Variants in PTPRD observed in about 807,000 individuals in gnomAD.
The protein encoded by PTPRD is receptor-type tyrosine-protein phosphatase delta.
A neutral mutation model predicts 214.5 loss-of-function variants in PTPRD; 34 were observed. The ratio of observed to expected loss-of-function variants is 0.16; its 90% CI spans 0.12 to 0.21. The LOEUF (loss-of-function observed/expected upper bound fraction) is 0.21, where lower values mean the gene tolerates loss of function less well. PTPRD is among the 10% of genes least tolerant of loss of function. The pLI is 1.00. For synonymous variants in PTPRD, 1,128 were observed against 845.7 expected, an observed-to-expected ratio of 1.33 and a Z score of -5.79; for missense variants, 2,545 against 2,398.7, an observed-to-expected ratio of 1.06 and a Z score of -1.27.
intron 5 of PTPRD, among the ~76,000 whole-genome samples, chr9:9,885,168 G>C (rs906219998): frequency 1.3e-5 from 2 of 151,790 alleles, no homozygotes; most frequent in South Asian, 2.1e-4. Flanking sequence ...GTTTCCTCTA[G>C]CTACTTATGA....
intron 14 of PTPRD, among the ~76,000 whole-genome samples, chr9:8,589,352 A>G (rs2093923066): frequency 6.6e-6 from 1 of 152,208 alleles, no homozygotes; most frequent in Non-Finnish European, 1.5e-5. Context: ...AATACTCTAG[A>G]TATGGTTCTC....
At chr9:8,661,123 C>T (rs986172496) in intron 12 of PTPRD, among the ~76,000 whole-genome samples, 7 of 152,018 alleles carry the variant, frequency 4.6e-5, no homozygotes, top group Non-Finnish European at 1.0e-4. Context: ...TATAAATACC[C>T]TGCTCTTTTT....
intron 2 of PTPRD, among the ~76,000 whole-genome samples, chr9:10,564,249 A>C (rs894061562): frequency 7.8e-6 from 1 of 128,420 alleles, no homozygotes; most frequent in Non-Finnish European, 1.6e-5. Flanking sequence ...TCCTGGGCTA[A>C]AGTGATCCTC....
At chr9:8,756,047 A>G (rs1001585609) in intron 11 of PTPRD, among the ~76,000 whole-genome samples, 1 of 152,234 alleles carries the variant, frequency 6.6e-6, no homozygotes, top group Non-Finnish European at 1.5e-5. Flanking sequence ...ATACTGGTAG[A>G]GGAAAAGATA....
chr9:9,552,808 T>A (rs1221154407), intron 8 of PTPRD, among the ~76,000 whole-genome samples: 1 of 152,100 alleles, frequency 6.6e-6, no homozygotes, highest in African/African-American at 2.4e-5. Flanking sequence ...CTTTGCTTCA[T>A]TTCCTAATAC....
At chr9:9,248,175 C>T (rs572269268) in intron 9 of PTPRD, among the ~76,000 whole-genome samples, 20 of 152,002 alleles carry the variant, frequency 1.3e-4, no homozygotes, top group African/African-American at 4.1e-4. Context: ...TCACTGCAAC[C>T]TTTAACTCCC....
chr9:8,484,059 T>C, intron 30 of PTPRD, 60 bp downstream of exon 30: 5 of 1,550,772 alleles, frequency 3.2e-6, no homozygotes, highest in South Asian at 1.2e-5. Flanking sequence ...AATTTTGAGA[T>C]ATAATGTTCC....
intron 8 of PTPRD, among the ~76,000 whole-genome samples, chr9:9,401,548 C>T (rs1218434067): frequency 2.0e-5 from 3 of 151,756 alleles, no homozygotes; most frequent in Non-Finnish European, 4.4e-5. Flanking sequence ...ACAGCCTGAG[C>T]CAAAAATATA....
At chr9:9,174,135 C>T (rs540368007) in intron 10 of PTPRD, among the ~76,000 whole-genome samples, 4 of 151,158 alleles carry the variant, frequency 2.6e-5, no homozygotes, top group Non-Finnish European at 5.9e-5. Flanking sequence ...ACCATACAGC[C>T]CCCCCAAATA....
At chr9:10,431,406 A>G (rs1362189779) in intron 2 of PTPRD, among the ~76,000 whole-genome samples, 1 of 152,096 alleles carries the variant, frequency 6.6e-6, no homozygotes, top group African/African-American at 2.4e-5. Context: ...CACCAAAAGC[A>G]ATGGCAACAA....
At chr9:10,329,148 C>T (rs1293648348) in intron 3 of PTPRD, among the ~76,000 whole-genome samples, 2 of 151,572 alleles carry the variant, frequency 1.3e-5, no homozygotes, top group East Asian at 3.9e-4. Flanking sequence ...TTTATCTTTC[C>T]CATATATTCT....
Position 10,333,756 on chromosome 9 carries a change from G to A in PTPRD, c.-545+7207C>T, listed in dbSNP as rs146759438. Among the ~76,000 whole-genome samples the A allele has an allele frequency of 9.2e-5, 14 of 151,914 alleles. 1 individual carries two copies. Among genetic ancestry groups the A allele is most frequent in the African/African-American group, 3.1e-4 (13 of 41,502 alleles). ...AAACTAAAGAAGCACAGTGCTGTTAGAAAAGTCTTATTTCTTCTCCTGTAC... is the reference window on the plus strand; with the variant it reads ...AAACTAAAGAAGCACAGTGCTGTTAAAAAAGTCTTATTTCTTCTCCTGTAC... On this transcript the variant is annotated intron_variant, in intron 3 of 45. Transcript: ENST00000381196.
chr9:9,481,021 A>G (rs955792591), intron 8 of PTPRD, among the ~76,000 whole-genome samples: 1 of 152,060 alleles, frequency 6.6e-6, no homozygotes, highest in South Asian at 2.1e-4. Context: ...TAATGCCTAT[A>G]TGATGGATTT....
chr9:8,607,069 G>T (rs889100590), intron 14 of PTPRD, among the ~76,000 whole-genome samples: 2 of 152,130 alleles, frequency 1.3e-5, no homozygotes, highest in African/African-American at 4.8e-5. Flanking sequence ...TTGGACAAAG[G>T]ATACAAAATT....
Position 8,985,574 on chromosome 9 carries a change from A to G in PTPRD, c.-104+33123T>C, listed in dbSNP as rs189750587. The stretch of plus-strand genomic sequence containing the variant: ...ATGGTTGAGCAATTTGCTCAAGATT[A>G]TACACGCAGGGATAGTCACTCAGTG... On this transcript the variant is annotated intron_variant, in intron 11 of 45. Transcript: ENST00000381196. Among the ~76,000 whole-genome samples the G allele has an allele frequency of 1.7e-4, 26 of 151,982 alleles. No individual in the cohort carries two copies. In the East Asian group the frequency reaches 4.7e-3, roughly 27 times the overall value.
chr9:10,465,962 A>T (rs2098990538), intron 2 of PTPRD, among the ~76,000 whole-genome samples: 1 of 152,232 alleles, frequency 6.6e-6, no homozygotes, highest in African/African-American at 2.4e-5. Flanking sequence ...AAAATTTCAA[A>T]TACAATCAAA....
chr9:9,856,497 A>G (rs989671145), intron 5 of PTPRD, among the ~76,000 whole-genome samples: 1 of 152,260 alleles, frequency 6.6e-6, no homozygotes, highest in South Asian at 2.1e-4. Flanking sequence ...AAAGTAATGG[A>G]ATCTTCATTC....
chr9:9,295,381 AAAGTGT>A (rs1331297379), intron 9 of PTPRD, among the ~76,000 whole-genome samples: 1 of 151,710 alleles, frequency 6.6e-6, no homozygotes, highest in Non-Finnish European at 1.5e-5. Context: ...TCTTGAAAAT[AAAGTGT>A]AACTGACAGT....
chr9:9,132,358 G>C (rs1036054130), intron 10 of PTPRD, among the ~76,000 whole-genome samples: 1 of 152,118 alleles, frequency 6.6e-6, no homozygotes, highest in Non-Finnish European at 1.5e-5. Flanking sequence ...TGCATGATTT[G>C]GGTAAAGTCC....
Sources: gnomAD v4.1 joint callset for allele counts (sites outside exome capture counted in the v4.1 genomes callset) on GRCh38, gnomAD v4.1.1 for gene constraint, MANE v1.5 for transcripts, NCBI Gene and HGNC (gene_info 2026-07-23, HGNC 2026-07-21) for gene names.